The following SCN9A variants were observed in gnomAD, a reference collection of about 807,000 sequenced individuals.
SCN9A encodes sodium channel protein type 9 subunit alpha.
A neutral mutation model predicts 187.0 loss-of-function variants in SCN9A; 131 were observed. That is an observed-to-expected ratio of 0.70 (90% CI 0.61 to 0.81). SCN9A has a LOEUF of 0.81. Ranked by LOEUF, SCN9A falls within the 30% of genes least tolerant of loss-of-function variation. The pLI is 0.00. For synonymous variants in SCN9A, 809 were observed against 808.6 expected (o/e 1.00, Z -0.01); for missense variants, 2,252 against 2,396.6 (o/e 0.94, Z 1.26).
At chr2:166,239,617 G>T (rs1157623527) in intron 19 of SCN9A, among the ~76,000 whole-genome samples, 1 of 152,096 alleles carries the variant, frequency 6.6e-6, no homozygotes, top group Non-Finnish European at 1.5e-5. Context: ...GCAGAGGGAG[G>T]CTTCTAGCCC....
chr2:166,204,137 G>T lies in SCN9A; in HGVS notation c.4592C>A (p.Thr1531Asn), dbSNP rs1379883523. The T allele has an allele frequency of 2.5e-6, 4 of 1,612,392 alleles. No homozygotes were observed. Among genetic ancestry groups the T allele is most frequent in the Non-Finnish European group, 3.4e-6 (4 of 1,178,960 alleles). Reference sequence around the variant, plus strand: ...TTGACCCTCCTTTTCTACCATCATGGTTACCATGTTGAGACAGATAAGAAC... The same window carrying T: ...TTGACCCTCCTTTTCTACCATCATGTTTACCATGTTGAGACAGATAAGAAC... ...IMVLICLNMV[T>N]MMVEKEGQSQ... The change falls in exon 26 of 27, where the codon ACC becomes AAC. Residue 1531 changes from threonine to asparagine, a missense_variant. Physicochemically the swap from Thr to Asn is moderately conservative, Grantham distance 65. Transcript: ENST00000642356.
chr2:166,339,719 AAGG>A (rs1482755625), intron 1 of SCN9A, among the ~76,000 whole-genome samples: 1 of 152,194 alleles, frequency 6.6e-6, no homozygotes, highest in Admixed American at 6.6e-5. Flanking sequence ...GTAGCACTTC[AAGG>A]AGGAGAGTTA....
chr2:166,231,759 G>A (rs1695096518), intron 21 of SCN9A, among the ~76,000 whole-genome samples: 1 of 151,704 alleles, frequency 6.6e-6, no homozygotes, highest in African/African-American at 2.4e-5. Context: ...CACCATATTG[G>A]CCAGGCTGGT....
intron 19 of SCN9A, 60 bp downstream of exon 19, chr2:166,242,442 A>T: frequency 7.5e-7 from 1 of 1,333,154 alleles, no homozygotes; most frequent in South Asian, 1.7e-5. Flanking sequence ...TTTATCTTTT[A>T]GCTCATTTTA....
At chr2:166,232,097 C>T (rs1385010288) in intron 21 of SCN9A, among the ~76,000 whole-genome samples, 1 of 152,060 alleles carries the variant, frequency 6.6e-6, no homozygotes, top group Non-Finnish European at 1.5e-5. Context: ...GCAGGGGAAG[C>T]ATTCCAGAAC....
At chr2:166,354,832 G>A (rs1320674771) in intron 1 of SCN9A, among the ~76,000 whole-genome samples, 1 of 152,012 alleles carries the variant, frequency 6.6e-6, no homozygotes, top group Admixed American at 6.6e-5. Flanking sequence ...GACTAATTTG[G>A]GGTTATTAAT....
In SCN9A at chr2:166,204,073, C is replaced by A. The variant is rs2106346228; in HGVS notation, c.4656G>T (p.Val1552=). 2 of 1,612,438 alleles carry A rather than the reference C, an allele frequency of 1.2e-6. No homozygotes were observed. Among genetic ancestry groups the A allele is most frequent in the Non-Finnish European group, 1.7e-6 (2 of 1,178,984 alleles). The part of the protein sequence containing the change: ...HMTEVLYWIN[V]VFIILFTGEC... ...CTCCAGTGAAAAGGATTATAAAAAC[C>A]ACATTTATCCAATATAAAACTTCAG... The change falls in exon 26 of 27, where the codon GTG becomes GTT. Residue 1552 remains valine, a synonymous_variant. Coordinates refer to ENST00000642356, the MANE Select transcript of SCN9A (RefSeq NM_001365536.1).
At chr2:166,373,512 G>T (rs1160700763) in intron 1 of SCN9A, among the ~76,000 whole-genome samples, 1 of 151,948 alleles carries the variant, frequency 6.6e-6, no homozygotes, top group African/African-American at 2.4e-5. Flanking sequence ...AGAAAAGAGG[G>T]TGAATGAGAG....
intron 19 of SCN9A, among the ~76,000 whole-genome samples, chr2:166,240,450 C>T (rs1054267470): frequency 1.3e-5 from 2 of 152,166 alleles, no homozygotes; most frequent in Admixed American, 1.3e-4. Context: ...TTAAAATACA[C>T]TTTTGAGAAT....
chr2:166,339,740 A>C (rs1273872057), intron 1 of SCN9A, among the ~76,000 whole-genome samples: 1 of 152,214 alleles, frequency 6.6e-6, no homozygotes, highest in African/African-American at 2.4e-5. Flanking sequence ...TTAATAGTAT[A>C]AAGGTTACCT....
intron 17 of SCN9A, among the ~76,000 whole-genome samples, chr2:166,254,038 T>C (rs1426464360): frequency 1.3e-5 from 2 of 151,758 alleles, no homozygotes; most frequent in South Asian, 4.1e-4. Context: ...AATTAGATTA[T>C]GAGCAAGTAA....
chr2:166,374,614 T>C (rs1700644944), intron 1 of SCN9A, among the ~76,000 whole-genome samples: 1 of 152,094 alleles, frequency 6.6e-6, no homozygotes, highest in Non-Finnish European at 1.5e-5. Flanking sequence ...AAAATAGGTT[T>C]ATATTGATGT....
intron 1 of SCN9A, among the ~76,000 whole-genome samples, chr2:166,336,946 G>A (rs1232442013): frequency 6.6e-6 from 1 of 152,084 alleles, no homozygotes; most frequent in East Asian, 1.9e-4. Flanking sequence ...AAAGTGGAGA[G>A]AAAGGGGGTC....
At chr2:166,316,072 C>T (rs1218767042) in intron 1 of SCN9A, among the ~76,000 whole-genome samples, 1 of 151,848 alleles carries the variant, frequency 6.6e-6, no homozygotes, top group East Asian at 1.9e-4. Context: ...AATCTCATAA[C>T]AATGAAGGTT....
At position 166,195,532 on chromosome 2, in the gene SCN9A, C is replaced by T. The variant is rs1326882438; in HGVS notation, c.*3140G>A. 6.6e-6 allele frequency: 1 copy of T among 152,122 alleles called. No individual in the cohort carries two copies. The highest frequency in any genetic ancestry group is 1.5e-5 in the Non-Finnish European group (1 of 68,012). The allele number at this position is 152,122 out of a possible 1,614,324, so 9.4% of individuals were successfully genotyped here. A position where few individuals can be genotyped will look rare whatever the true frequency, so the allele number is the denominator to read the frequency against. ...TCTTTCAGCACTTCTATTAACATTT[C>T]TCTGAAATAGCTATTTAGAACTGCT... On this transcript the variant is annotated 3_prime_UTR_variant, in exon 27 of 27. Coordinates refer to ENST00000642356, the MANE Select transcript of SCN9A (RefSeq NM_001365536.1).
chr2:166,304,986 TAGC>T (rs757264923), intron 5 of SCN9A, among the ~76,000 whole-genome samples: 7 of 152,100 alleles, frequency 4.6e-5, no homozygotes, highest in Non-Finnish European at 7.4e-5. Flanking sequence ...AATGTTTTCT[TAGC>T]AGCAGGTAGC....
intron 17 of SCN9A, among the ~76,000 whole-genome samples, chr2:166,262,767 G>C (rs1408038871): frequency 6.6e-6 from 1 of 151,962 alleles, no homozygotes. Flanking sequence ...TACTTCCTAA[G>C]GAGGTCACAA....
At chr2:166,277,549 T>C (rs1405148378) in intron 15 of SCN9A, among the ~76,000 whole-genome samples, 5 of 152,290 alleles carry the variant, frequency 3.3e-5, no homozygotes, top group East Asian at 1.9e-4. Context: ...CAACACATAT[T>C]ATGAAGAAAC....
At chr2:166,355,963 G>T (rs2105306521) in intron 1 of SCN9A, among the ~76,000 whole-genome samples, 1 of 152,194 alleles carries the variant, frequency 6.6e-6, no homozygotes, top group South Asian at 2.1e-4. Flanking sequence ...AGTAGCGACA[G>T]GGTTTCACCA....
Sources: allele counts gnomAD v4.1 joint callset (sites outside exome capture counted in the v4.1 genomes callset), GRCh38; gene constraint gnomAD v4.1.1; transcripts MANE v1.5; gene names NCBI Gene and HGNC (gene_info 2026-07-23, HGNC 2026-07-21).